The following CCDC192 variants were observed in gnomAD, a reference collection of about 807,000 sequenced individuals.
CCDC192 encodes coiled-coil domain containing 192.
intron 2 of CCDC192, among the ~76,000 whole-genome samples, chr5:127,724,665 A>G (rs1275199180): frequency 6.6e-6 from 1 of 152,164 alleles, no homozygotes; most frequent in African/African-American, 2.4e-5. Context: ...CCTGGCCAAC[A>G]TGGGGAAACC....
Position 127,712,425 on chromosome 5 carries a change from C to T in CCDC192, c.114+4665C>T, listed in dbSNP as rs73343094. ...ATTGTTAAAAAGAGTCTGACACCTG[C>T]CTGTGTTGTCTCCTTGCTTCTTCTC... On this transcript the variant is annotated intron_variant, in intron 2 of 6. Coordinates refer to ENST00000514853, the MANE Select transcript of CCDC192 (RefSeq NM_001317938.2). Among the ~76,000 whole-genome samples, 1,037 of 152,258 alleles carry T rather than the reference C, an allele frequency of 6.8e-3. 8 individuals carry two copies. The highest frequency in any genetic ancestry group is 0.023 in the African/African-American group (974 of 41,532).
chr5:127,816,560 C>T (rs951515833), intron 5 of CCDC192, among the ~76,000 whole-genome samples: 1 of 152,204 alleles, frequency 6.6e-6, no homozygotes, highest in Middle Eastern at 3.2e-3. Flanking sequence ...AATCACACCA[C>T]AGAACTTCCC....
Position 127,718,464 on chromosome 5 carries a change from A to G in CCDC192, c.114+10704A>G, listed in dbSNP as rs1398003820. 2.0e-5 allele frequency among the ~76,000 whole-genome samples: 3 copies of G among 149,620 alleles called. No homozygotes were observed. In the Admixed American group the frequency reaches 2.0e-4, roughly 10 times the overall value. On this transcript the variant is annotated intron_variant, in intron 2 of 6. Coordinates refer to ENST00000514853, the MANE Select transcript of CCDC192 (RefSeq NM_001317938.2). The stretch of plus-strand genomic sequence containing the variant: ...TGGCAAAAAGTTCCTAACAACTGGC[A>G]TAATTTGAGGAAAGCATACTAATTT...
chr5:127,934,948 T>C (rs1294823646), intron 6 of CCDC192, among the ~76,000 whole-genome samples: 1 of 152,184 alleles, frequency 6.6e-6, no homozygotes, highest in East Asian at 1.9e-4. Flanking sequence ...AAGCTGACAT[T>C]GTCTTTTAAT....
intron 3 of CCDC192, among the ~76,000 whole-genome samples, chr5:127,782,458 T>A (rs1412530788): frequency 1.3e-5 from 2 of 152,096 alleles, no homozygotes; most frequent in East Asian, 3.9e-4. Flanking sequence ...CTTTTTTTTT[T>A]GTTGGTAATT....
At chr5:127,716,836 C>G (rs1054716062) in intron 2 of CCDC192, among the ~76,000 whole-genome samples, 3 of 152,200 alleles carry the variant, frequency 2.0e-5, no homozygotes, top group African/African-American at 7.2e-5. Flanking sequence ...AGCTCCATAT[C>G]TCCCCTTGGA....
At chr5:127,720,257 G>A (rs1179747711) in intron 2 of CCDC192, among the ~76,000 whole-genome samples, 1 of 152,146 alleles carries the variant, frequency 6.6e-6, no homozygotes, top group African/African-American at 2.4e-5. Flanking sequence ...TTCTAAAAGG[G>A]AAAAAATCAG....
chr5:127,830,198 T>C (rs1749722023), intron 5 of CCDC192, among the ~76,000 whole-genome samples: 1 of 152,136 alleles, frequency 6.6e-6, no homozygotes, highest in East Asian at 1.9e-4. Flanking sequence ...GTAGCACGTG[T>C]GTGTCTTTTT....
chr5:127,746,741 C>T (rs933714121), intron 2 of CCDC192, among the ~76,000 whole-genome samples: 14 of 151,708 alleles, frequency 9.2e-5, no homozygotes, highest in Non-Finnish European at 1.2e-4. Context: ...TAATGGCAAA[C>T]TTTTGAGGGT....
chr5:127,726,459 G>C (rs1244721793), intron 2 of CCDC192, among the ~76,000 whole-genome samples: 1 of 152,066 alleles, frequency 6.6e-6, no homozygotes, highest in Non-Finnish European at 1.5e-5. Context: ...ACTTTCTCTG[G>C]TAGCCCCAGT....
intron 6 of CCDC192, among the ~76,000 whole-genome samples, chr5:127,877,509 G>A (rs1752130497): frequency 6.6e-6 from 1 of 152,086 alleles, no homozygotes; most frequent in Admixed American, 6.6e-5. Context: ...ATTTGGTGGG[G>A]AAACTAAGTC....
intron 6 of CCDC192, among the ~76,000 whole-genome samples, chr5:127,898,975 A>G (rs533595654): frequency 6.6e-6 from 1 of 152,326 alleles, no homozygotes. Flanking sequence ...CTCTGGCTCC[A>G]GGGCAGTGGT....
At chr5:127,892,630 C>T (rs1028381312) in intron 6 of CCDC192, among the ~76,000 whole-genome samples, 3 of 152,146 alleles carry the variant, frequency 2.0e-5, no homozygotes, top group Admixed American at 6.5e-5. Flanking sequence ...TGGCAACTGG[C>T]AGTGCAGTCC....
intron 1 of CCDC192, among the ~76,000 whole-genome samples, chr5:127,707,002 T>C (rs990200242): frequency 1.3e-5 from 2 of 152,164 alleles, no homozygotes; most frequent in Non-Finnish European, 2.9e-5. Flanking sequence ...TGATAAGTCA[T>C]GTCAAAAGCT....
At chr5:127,718,402 A>G (rs1751762847) in intron 2 of CCDC192, among the ~76,000 whole-genome samples, 1 of 152,202 alleles carries the variant, frequency 6.6e-6, no homozygotes, top group African/African-American at 2.4e-5. Context: ...TTCATCAGAT[A>G]CCCATGACAT....
chr5:127,827,560 C>T (rs900933972), intron 5 of CCDC192, among the ~76,000 whole-genome samples: 5 of 152,072 alleles, frequency 3.3e-5, no homozygotes, highest in African/African-American at 7.2e-5. Context: ...TCTTTAAATA[C>T]GGAACCAATC....
At chr5:127,728,494 G>T (rs191776958) in intron 2 of CCDC192, among the ~76,000 whole-genome samples, 21 of 152,330 alleles carry the variant, frequency 1.4e-4, no homozygotes, top group African/African-American at 5.1e-4. Flanking sequence ...ACAAGCAAAT[G>T]CTGAGGGAAT....
At chr5:127,864,974 C>T (rs1478191089) in intron 5 of CCDC192, among the ~76,000 whole-genome samples, 1 of 152,104 alleles carries the variant, frequency 6.6e-6, no homozygotes, top group East Asian at 1.9e-4. Context: ...GGTGAAACCC[C>T]GTCTCTATTA....
chr5:127,765,285 T>A (rs931492010), intron 3 of CCDC192, among the ~76,000 whole-genome samples: 1 of 152,216 alleles, frequency 6.6e-6, no homozygotes, highest in African/African-American at 2.4e-5. Context: ...AAAGTCCCAA[T>A]GTCCTTTATT....
Sources: gnomAD v4.1 joint callset for allele counts (sites outside exome capture counted in the v4.1 genomes callset) on GRCh38, gnomAD v4.1.1 for gene constraint, MANE v1.5 for transcripts, NCBI Gene and HGNC (gene_info 2026-07-23, HGNC 2026-07-21) for gene names.